The following TNNI3K variants were observed in gnomAD, a reference collection of about 807,000 sequenced individuals.
TNNI3K encodes the protein serine/threonine-protein kinase TNNI3K.
Under a neutral mutation model 114.5 loss-of-function variants are expected in TNNI3K, and 140 were observed. The observed-to-expected ratio is 1.22, with a 90% CI of 1.07 to 1.41. The LOEUF (loss-of-function observed/expected upper bound fraction) is 1.41. Among genes scored for constraint, TNNI3K ranks in the 40% most tolerant of loss-of-function variants. The probability of loss-of-function intolerance (pLI) is 0.00; values close to 1 mark genes in which losing one functional copy is unlikely to be tolerated. For synonymous variants in TNNI3K, 347 were observed against 347.5 expected, an observed-to-expected ratio of 1.00 and a Z score of 0.02; for missense variants, 1,125 against 1,007.6, an observed-to-expected ratio of 1.12 and a Z score of -1.58.
chr1:74,484,717 G>A (rs890061952), intron 21 of TNNI3K, among the ~76,000 whole-genome samples: 2 of 152,082 alleles, frequency 1.3e-5, no homozygotes, highest in South Asian at 2.1e-4. Context: ...AGGAAGAGTA[G>A]GGCACAGAAT....
intron 5 of TNNI3K, among the ~76,000 whole-genome samples, chr1:74,320,855 CT>C (rs1659570312): frequency 6.6e-6 from 1 of 151,772 alleles, no homozygotes; most frequent in Admixed American, 6.6e-5. Flanking sequence ...GATATTTTTT[CT>C]GAAAAAAGAG....
At chr1:74,407,722 A>C (rs1664685144) in intron 17 of TNNI3K, among the ~76,000 whole-genome samples, 1 of 152,158 alleles carries the variant, frequency 6.6e-6, no homozygotes, top group Admixed American at 6.6e-5. Flanking sequence ...TCTAAACTAC[A>C]TCAACTTTCT....
At chr1:74,433,021 T>G (rs1351237024) in intron 17 of TNNI3K, among the ~76,000 whole-genome samples, 3 of 151,992 alleles carry the variant, frequency 2.0e-5, no homozygotes, top group African/African-American at 7.2e-5. Context: ...AAAACACCAG[T>G]GCCTGCTCAC....
chr1:74,534,275 A>G (rs952596504), intron 23 of TNNI3K, among the ~76,000 whole-genome samples: 1 of 152,168 alleles, frequency 6.6e-6, no homozygotes, highest in African/African-American at 2.4e-5. Flanking sequence ...TCACCAAATC[A>G]AAGTTCCCAA....
intron 5 of TNNI3K, among the ~76,000 whole-genome samples, chr1:74,316,437 C>T (rs1659305395): frequency 6.6e-6 from 1 of 152,186 alleles, no homozygotes; most frequent in Non-Finnish European, 1.5e-5. Context: ...TTCATCTCCA[C>T]TCTTTTTATA....
chr1:74,470,525 C>G lies in TNNI3K; in HGVS notation c.2121+6975C>G, dbSNP rs1460028665. 1.2e-5 allele frequency: 5 copies of G among 400,644 alleles called. No individual in the cohort carries two copies. The South Asian group carries it at 3.8e-4, about 30-fold the overall frequency. The allele number at this position is 400,644 out of a possible 1,614,324, so 24.8% of individuals were successfully genotyped here. The stretch of plus-strand genomic sequence containing the variant: ...GAAGTACTGATATCCTTGGGAAGTT[C>G]TATTCTATTTTGGTATGGAATTGAA... On this transcript the variant is annotated intron_variant, in intron 21 of 24. Coordinates refer to ENST00000326637, the MANE Select transcript of TNNI3K (RefSeq NM_015978.3).
Position 74,343,846 on chromosome 1 carries a change from T to A in TNNI3K, c.932+667T>A, listed in dbSNP as rs1033279835. Among the ~76,000 whole-genome samples, 6 of 152,206 alleles carry A rather than the reference T, an allele frequency of 3.9e-5. No individual in the cohort carries two copies. In the South Asian group the frequency reaches 1.0e-3, roughly 26 times the overall value. The stretch of plus-strand genomic sequence containing the variant: ...AAAGGTTGCTAATAAGTCAGAGCTA[T>A]AGTTCCCTAAAATGCCCAAAAGGAA... On this transcript the variant is annotated intron_variant, in intron 9 of 24. Coordinates refer to ENST00000326637, the MANE Select transcript of TNNI3K (RefSeq NM_015978.3).
chr1:74,452,385 C>T (rs187696866), intron 20 of TNNI3K, among the ~76,000 whole-genome samples: 32 of 152,284 alleles, frequency 2.1e-4, no homozygotes, highest in African/African-American at 7.5e-4. Flanking sequence ...GTGGCACTCT[C>T]GTTCTCTAGG....
chr1:74,501,631 C>A (rs1472178318), intron 23 of TNNI3K, among the ~76,000 whole-genome samples: 1 of 152,032 alleles, frequency 6.6e-6, no homozygotes, highest in African/African-American at 2.4e-5. Context: ...GGATTACAGG[C>A]ACGCACTACC....
chr1:74,414,144 G>A (rs1346606522), intron 17 of TNNI3K, among the ~76,000 whole-genome samples: 2 of 152,104 alleles, frequency 1.3e-5, no homozygotes, highest in African/African-American at 4.8e-5. Context: ...ATTAATCACG[G>A]ATTTAAAATC....
chr1:74,490,051 A>C (rs1303777928), intron 22 of TNNI3K, among the ~76,000 whole-genome samples: 1 of 115,560 alleles, frequency 8.7e-6, no homozygotes, highest in African/African-American at 4.4e-5. Context: ...TTTTTTTTCT[A>C]AAAAAAAAAA....
chr1:74,249,362 GA>G, intron 2 of TNNI3K, 96 bp from the exon 3 acceptor site: 2 of 1,222,100 alleles, frequency 1.6e-6, no homozygotes, highest in Non-Finnish European at 1.1e-6. Flanking sequence ...ATACATTTCT[GA>G]ATTGATAGTA....
chr1:74,289,486 G>GAATTACAGACCTGTGCTATA (rs369263112), intron 5 of TNNI3K, among the ~76,000 whole-genome samples: 1 of 2,680 alleles, frequency 3.7e-4, no homozygotes, highest in Non-Finnish European at 1.1e-3. Flanking sequence ...CATAGGTAGT[G>GAATTACAGACCTGTGCTATA]TCATTAGTCT....
intron 4 of TNNI3K, among the ~76,000 whole-genome samples, chr1:74,263,220 A>G (rs952925636): frequency 6.6e-6 from 1 of 152,102 alleles, no homozygotes; most frequent in Non-Finnish European, 1.5e-5. Flanking sequence ...AGAGAATCAT[A>G]AATTATGTGA....
chr1:74,398,842 A>G (rs1434423551), intron 17 of TNNI3K, among the ~76,000 whole-genome samples: 1 of 152,066 alleles, frequency 6.6e-6, no homozygotes, highest in Non-Finnish European at 1.5e-5. Flanking sequence ...CAAACTCTCA[A>G]AAAGCATACT....
intron 23 of TNNI3K, among the ~76,000 whole-genome samples, chr1:74,512,222 G>T (rs780283057): frequency 6.6e-6 from 1 of 152,184 alleles, no homozygotes; most frequent in Non-Finnish European, 1.5e-5. Context: ...GTCAGTGATT[G>T]TACAGACTCA....
intron 11 of TNNI3K, among the ~76,000 whole-genome samples, chr1:74,357,608 T>C (rs1009351320): frequency 2.6e-5 from 4 of 152,160 alleles, no homozygotes; most frequent in African/African-American, 7.2e-5. Context: ...AAAGAATGCT[T>C]TCTATTTGCA....
chr1:74,436,081 C>T lies in TNNI3K; in HGVS notation c.1774C>T (p.His592Tyr), dbSNP rs567089878. ...TTTTTTTTTTTTTTTTTTTTACAGT[C>T]ACAATATTCTTCTCTATGAGGATGG... Reference protein sequence around the residue: ...QPIIHRDLNSHNILLYEDGHA... With the variant: ...QPIIHRDLNSYNILLYEDGHA... The change falls in exon 18 of 25, where the codon CAC becomes TAC. Residue 592 changes from histidine (H) to tyrosine (Y), a missense_variant and splice_region_variant. By Grantham distance (83) the His-to-Tyr change is moderately conservative. Coordinates refer to ENST00000326637, the MANE Select transcript of TNNI3K (RefSeq NM_015978.3). 12 of 1,552,664 alleles carry T rather than the reference C, an allele frequency of 7.7e-6. No homozygotes were observed. Among genetic ancestry groups the T allele is most frequent in the Non-Finnish European group, 7.8e-6 (9 of 1,156,232 alleles).
At chr1:74,267,077 G>C (rs1656040426) in intron 4 of TNNI3K, among the ~76,000 whole-genome samples, 1 of 151,936 alleles carries the variant, frequency 6.6e-6, no homozygotes, top group South Asian at 2.1e-4. Context: ...TGGCTAGAGA[G>C]TGCATAAAGG....
Sources: gnomAD v4.1 joint callset for allele counts (sites outside exome capture counted in the v4.1 genomes callset) on GRCh38, gnomAD v4.1.1 for gene constraint, MANE v1.5 for transcripts, NCBI Gene and HGNC (gene_info 2026-07-23, HGNC 2026-07-21) for gene names.